The following CDHR2 variants were observed in gnomAD, a reference collection of about 807,000 sequenced individuals.
CDHR2 encodes the protein cadherin related family member 2, also known as cadherin-related family member 2.
A neutral mutation model predicts 138.6 loss-of-function variants in CDHR2; 104 were observed. The observed-to-expected ratio is 0.75, with a 90% CI of 0.64 to 0.88. The LOEUF is 0.88. Among genes scored for constraint, CDHR2 ranks in the 40% least tolerant of loss-of-function variants. The pLI is 0.00. For missense variants in CDHR2, 1,624 were observed against 1,727.6 expected (o/e 0.94, Z 1.06); for synonymous variants, 755 against 742.8 (o/e 1.02, Z -0.27).
At chr5:176,588,092 T>A (rs566716362) in intron 21 of CDHR2, among the ~76,000 whole-genome samples, 59 of 152,262 alleles carry the variant, frequency 3.9e-4, no homozygotes, top group Middle Eastern at 3.4e-3. Context: ...TTGTGTCCCC[T>A]CCCCAACCAG....
At chr5:176,582,768 C>A (rs1427814824) in intron 17 of CDHR2, among the ~76,000 whole-genome samples, 7 of 152,160 alleles carry the variant, frequency 4.6e-5, no homozygotes, top group Non-Finnish European at 8.8e-5. Context: ...TGAGACAGAG[C>A]AAGACCCTGT....
At chr5:176,575,019 T>G in intron 7 of CDHR2, 65 bp from the exon 8 acceptor site, 1 of 1,594,960 alleles carries the variant, frequency 6.3e-7, no homozygotes, top group Non-Finnish European at 8.6e-7. Context: ...CCTGCGTTGC[T>G]CAGAGTGGGG....
chr5:176,589,764 C>A, intron 24 of CDHR2, 148 bp downstream of exon 24: 1 of 735,240 alleles, frequency 1.4e-6, no homozygotes. Flanking sequence ...CTTTCACCTG[C>A]ACGACGTTCT....
intron 19 of CDHR2, among the ~76,000 whole-genome samples, chr5:176,585,587 T>C (rs1758639165): frequency 6.6e-6 from 1 of 152,192 alleles, no homozygotes; most frequent in African/African-American, 2.4e-5. Context: ...ATAGGTGAGA[T>C]CTACCTAGGC....
chr5:176,577,433 G>A lies in CDHR2; in HGVS notation c.1229G>A (p.Gly410Asp), dbSNP rs755987126. Residue 410 changes from glycine (G) to aspartate (D), a missense_variant, in exon 13 of 32, where the codon GGC (glycine) becomes GAC (aspartate). Physicochemically the swap from Gly to Asp is moderately conservative, Grantham distance 94 (BLOSUM62 -1). Around this residue, in one of 3 missense-constraint regions of CDHR2, gnomAD observed 1,061 missense variants for 1,136.6 expected, o/e 0.93. Transcript: ENST00000261944. ...SNGTFLLSLG[G>D]PDAEAFSVSP... ...GGCACCTTCCTGTTGTCGCTGGGGG[G>A]CCCCGATGCAGAAGCCTTCAGCGTC... 26 of 1,609,628 alleles carry A rather than the reference G, an allele frequency of 1.6e-5. No homozygotes were observed. The highest frequency in any genetic ancestry group is 4.5e-5 in the East Asian group (2 of 44,714).
intron 5 of CDHR2, among the ~76,000 whole-genome samples, chr5:176,570,375 T>A (rs1049830522): frequency 3.3e-5 from 5 of 152,354 alleles, no homozygotes; most frequent in Admixed American, 6.5e-5. Context: ...TGAGTTAGGA[T>A]CTTACTCTTG....
At chr5:176,542,757 C>T (rs1757481277) in exon 1 of CDHR2, 1 of 152,350 alleles carries the variant, frequency 6.6e-6, no homozygotes, top group African/African-American at 2.4e-5. Flanking sequence ...AGCGTTCCGA[C>T]ATCCAGAATG....
chr5:176,562,269 T>C (rs1349798070), intron 1 of CDHR2, among the ~76,000 whole-genome samples: 1 of 151,888 alleles, frequency 6.6e-6, no homozygotes, highest in Non-Finnish European at 1.5e-5. Context: ...AAGGGAGGCC[T>C]TGAGGAGGCT....
rs769236193 is a variant in CDHR2, at chr5:176,581,536, G to A, written c.2012G>A (p.Gly671Asp). Residue 671 changes from glycine to aspartate, a missense_variant, in exon 17 of 32, where the codon GGC (glycine) becomes GAC (aspartate). Gly to Asp is a moderately conservative substitution (Grantham distance 94, BLOSUM62 -1). Around this residue, in one of 3 missense-constraint regions of CDHR2, gnomAD observed 1,061 missense variants for 1,136.6 expected, o/e 0.93. Transcript: ENST00000261944. ...IVLTVLVSDCGEPVLGTKVNV... is the reference protein window; with the variant it reads ...IVLTVLVSDCDEPVLGTKVNV... Reference sequence around the variant, plus strand: ...CTGACAGTGCTTGTGTCTGACTGCGGCGAGCCTGTCCTCGGCACCAAAGTC... The same window carrying A: ...CTGACAGTGCTTGTGTCTGACTGCGACGAGCCTGTCCTCGGCACCAAAGTC... 2.5e-6 allele frequency: 4 copies of A among 1,614,086 alleles called. No individual in the cohort carries two copies. Among genetic ancestry groups the A allele is most frequent in the Non-Finnish European group, 8.5e-7 (1 of 1,180,046 alleles).
At chr5:176,592,467 G>A (rs1758906281) in intron 30 of CDHR2, among the ~76,000 whole-genome samples, 1 of 150,964 alleles carries the variant, frequency 6.6e-6, no homozygotes, top group Non-Finnish European at 1.5e-5. Flanking sequence ...TGGTGGTGGT[G>A]TTGGTGTTGA....
At chr5:176,568,189 G>A (rs1433722587) in intron 3 of CDHR2, among the ~76,000 whole-genome samples, 3 of 152,230 alleles carry the variant, frequency 2.0e-5, no homozygotes, top group Admixed American at 6.5e-5. Context: ...TTCAGGCTAG[G>A]GAGTGGGCGA....
At position 176,590,399 on chromosome 5, in the gene CDHR2, G is replaced by A. The variant is rs537038107; in HGVS notation, c.3354-26G>A. The stretch of plus-strand genomic sequence containing the variant: ...AGCCTGGGGTGTGCCAAGGTCCCTC[G>A]GGCCTAAGTGGAGTTCTGTGGCCAG... On this transcript the variant is annotated intron_variant, in intron 26 of 31. Transcript: ENST00000261944. 231 of 1,614,140 alleles carry A rather than the reference G, an allele frequency of 1.4e-4. 1 individual carries two copies. Among genetic ancestry groups the A allele is most frequent in the South Asian group, 1.4e-3 (123 of 91,088 alleles).
chr5:176,546,968 T>C (rs1186197694), upstream of CDHR2, among the ~76,000 whole-genome samples: 1 of 99,764 alleles, frequency 1.0e-5, no homozygotes, highest in Non-Finnish European at 2.0e-5. Context: ...ATACGCAAAG[T>C]GGTCTTTTTG....
Position 176,575,158 on chromosome 5 carries a change from C to T in CDHR2, c.570C>T (p.Ser190=). 2 of 1,614,204 alleles carry T rather than the reference C, an allele frequency of 1.2e-6. No individual in the cohort carries two copies. Among genetic ancestry groups the T allele is most frequent in the Non-Finnish European group, 1.7e-6 (2 of 1,180,048 alleles). ...ATGGCTCCATAGTCCTCAATGGCAG[C>T]CTCAGCTACAACAACAAGAGCGCTT... is the stretch of plus-strand genomic sequence containing the variant. ...LANGSIVLNG[S]LSYNNKSAFY... is the part of the protein sequence containing the mutation. Residue 190 remains serine (S), a synonymous_variant, in exon 8 of 32, where the codon AGC becomes AGT. Coordinates refer to ENST00000261944, the MANE Select transcript of CDHR2 (RefSeq NM_017675.6).
chr5:176,575,625 G>A (rs545087058), intron 10 of CDHR2, 44 bp downstream of exon 10: 1 of 1,607,770 alleles, frequency 6.2e-7, no homozygotes, highest in African/African-American at 1.3e-5. Flanking sequence ...CCGGGGCCAG[G>A]GTGGGGTCTC....
At chr5:176,549,177 G>A (rs1040430235), upstream of CDHR2, among the ~76,000 whole-genome samples, 1 of 152,238 alleles carries the variant, frequency 6.6e-6, no homozygotes, top group Admixed American at 6.5e-5. Flanking sequence ...AGGAGCGCCA[G>A]GAGCTCTGGC....
intron 16 of CDHR2, among the ~76,000 whole-genome samples, chr5:176,579,189 C>T (rs1271960275): frequency 6.6e-6 from 1 of 152,190 alleles, no homozygotes; most frequent in Admixed American, 6.5e-5. Context: ...GGAAGCTTCG[C>T]CCCTGAGGCA....
At chr5:176,572,643 G>A (rs956668404) in intron 6 of CDHR2, among the ~76,000 whole-genome samples, 2 of 152,164 alleles carry the variant, frequency 1.3e-5, no homozygotes, top group Non-Finnish European at 2.9e-5. Flanking sequence ...TAAGCTACAT[G>A]GGTGGAAAGG....
chr5:176,555,047 T>C (rs1757791747), intron 1 of CDHR2, among the ~76,000 whole-genome samples: 1 of 152,246 alleles, frequency 6.6e-6, no homozygotes, highest in Non-Finnish European at 1.5e-5. Flanking sequence ...TTCATTGCTG[T>C]AATGTTTAAC....
Sources: allele counts gnomAD v4.1 joint callset (sites outside exome capture counted in the v4.1 genomes callset), GRCh38; gene constraint gnomAD v4.1.1; regional missense constraint gnomAD v4.1.1; transcripts MANE v1.5; gene names NCBI Gene and HGNC (gene_info 2026-07-23, HGNC 2026-07-21).